Variants in SVEP1 observed in about 807,000 individuals in gnomAD.
SVEP1 encodes sushi, von Willebrand factor type A, EGF and pentraxin domain-containing protein 1.
Under a neutral mutation model 367.3 loss-of-function variants are expected in SVEP1, and 164 were observed. That is an observed-to-expected ratio of 0.45 (90% confidence interval 0.39 to 0.51). The LOEUF (loss-of-function observed/expected upper bound fraction) is 0.51, where lower values mean the gene tolerates loss of function less well. SVEP1 is among the 20% of genes least tolerant of loss of function. SVEP1 has a pLI of 0.00. For synonymous variants in SVEP1, 1,666 were observed against 1,611.6 expected, an observed-to-expected ratio of 1.03 and a Z score of -0.81; for missense variants, 4,117 against 4,425.3, an observed-to-expected ratio of 0.93 and a Z score of 1.98.
chr9:110,566,392 T>C (rs1008764746), intron 1 of SVEP1, among the ~76,000 whole-genome samples: 3 of 151,714 alleles, frequency 2.0e-5, no homozygotes, highest in Non-Finnish European at 4.4e-5. Context: ...GTAAGAAAGC[T>C]TGCTATTGTG....
chr9:110,390,878 C>A (rs1827644498), intron 40 of SVEP1, among the ~76,000 whole-genome samples: 1 of 152,116 alleles, frequency 6.6e-6, no homozygotes, highest in South Asian at 2.1e-4. Flanking sequence ...TAAGAAACTT[C>A]TGTGTAGACA....
At chr9:110,424,542 AT>A (rs1371166692) in intron 36 of SVEP1, among the ~76,000 whole-genome samples, 1 of 152,234 alleles carries the variant, frequency 6.6e-6, no homozygotes, top group East Asian at 1.9e-4. Context: ...GCTTCTAATT[AT>A]ATCTGTAATA....
intron 1 of SVEP1, among the ~76,000 whole-genome samples, chr9:110,573,703 G>C (rs1258378757): frequency 6.6e-6 from 1 of 151,986 alleles, no homozygotes; most frequent in African/African-American, 2.4e-5. Flanking sequence ...ATTCACAGTG[G>C]GACCAATTTA....
intron 36 of SVEP1, among the ~76,000 whole-genome samples, chr9:110,412,007 T>C (rs1164198549): frequency 6.6e-6 from 1 of 152,200 alleles, no homozygotes; most frequent in Non-Finnish European, 1.5e-5. Context: ...ATTGAGCTTA[T>C]TGATCAAATG....
intron 4 of SVEP1, 113 bp from the exon 5 acceptor site, chr9:110,513,218 G>C (rs72748893): frequency 1.0e-6 from 1 of 990,710 alleles, no homozygotes; most frequent in Non-Finnish European, 1.4e-6. Context: ...ATTGCCTACA[G>C]CATTTCCATT....
chr9:110,402,586 G>C (rs1454265006), intron 39 of SVEP1, among the ~76,000 whole-genome samples: 1 of 151,588 alleles, frequency 6.6e-6, no homozygotes, highest in Non-Finnish European at 1.5e-5. Flanking sequence ...ATAAATTATT[G>C]ACTTAAAAAA....
rs998444246 is a variant in SVEP1 at position 110,552,524 on chromosome 9, C to T, written c.532-2420G>A. ...TAGAATAAAATAATTATACAACTCA[C>T]TATAATGTAGAATCAGTGGGAGCAC... On this transcript the variant is annotated intron_variant, in intron 1 of 47. Coordinates refer to ENST00000374469, the MANE Select transcript of SVEP1 (RefSeq NM_153366.4). 3.3e-5 allele frequency among the ~76,000 whole-genome samples: 5 copies of T among 152,204 alleles called. No homozygotes were observed. The South Asian group carries it at 1.0e-3, about 32-fold the overall frequency.
At chr9:110,528,144 G>A (rs1474445264) in intron 3 of SVEP1, among the ~76,000 whole-genome samples, 34 of 40,372 alleles carry the variant, frequency 8.4e-4, no homozygotes, top group African/African-American at 2.3e-3. Context: ...GTGTGTGTGT[G>A]TGTGTGTGTG....
At chr9:110,449,610 G>T (rs1828661763) in intron 24 of SVEP1, among the ~76,000 whole-genome samples, 1 of 152,166 alleles carries the variant, frequency 6.6e-6, no homozygotes, top group Non-Finnish European at 1.5e-5. Flanking sequence ...TTTAAACCGG[G>T]AGAAAGAGGT....
intron 1 of SVEP1, among the ~76,000 whole-genome samples, chr9:110,560,178 C>A (rs544019248): frequency 6.6e-6 from 1 of 152,126 alleles, no homozygotes; most frequent in African/African-American, 2.4e-5. Flanking sequence ...CATACTGTTA[C>A]AATTGTCCAC....
rs907255593 is a variant in SVEP1 at position 110,445,916 on chromosome 9, C to T, written c.4384G>A (p.Asp1462Asn). The change falls in exon 26 of 48, where the codon GAC (aspartate) becomes AAC (asparagine). Residue 1462 changes from aspartate to asparagine, a missense_variant. Asp to Asn is a conservative substitution (Grantham distance 23). Coordinates refer to ENST00000374469, the MANE Select transcript of SVEP1 (RefSeq NM_153366.4). ...TCTFWMKSSDDMNYGTPISYA... is the reference protein window; with the variant it reads ...TCTFWMKSSDNMNYGTPISYA... The stretch of plus-strand genomic sequence containing the variant: ...GAGATTGGTGTTCCATAGTTCATGT[C>T]GTCAGAGGATTTCATCCAGAAGGTA... The T allele has an allele frequency of 1.9e-6, 3 of 1,613,882 alleles. No individual in the cohort carries two copies. Among genetic ancestry groups the T allele is most frequent in the Non-Finnish European group, 2.5e-6 (3 of 1,179,846 alleles).
In SVEP1 at chr9:110,481,239, T is replaced by C; in HGVS notation, c.2365+3A>G. The C allele has an allele frequency of 6.5e-7, 1 of 1,547,576 alleles. No individual in the cohort carries two copies. Among genetic ancestry groups the C allele is most frequent in the Non-Finnish European group, 8.7e-7 (1 of 1,144,478 alleles). ...AGAAGTCTAGAATAAAATTAAAACT[T>C]ACTGGCACAGTCTGGCCATTCAGTG... On this transcript the variant is annotated splice_donor_region_variant and intron_variant, in intron 12 of 47. Transcript: ENST00000374469.
chr9:110,540,168 A>T (rs889776517), intron 3 of SVEP1, among the ~76,000 whole-genome samples: 3 of 152,056 alleles, frequency 2.0e-5, no homozygotes, highest in Non-Finnish European at 4.4e-5. Flanking sequence ...TATCATTATC[A>T]TCATCATCAT....
At chr9:110,552,940 A>G (rs1268584173) in intron 1 of SVEP1, among the ~76,000 whole-genome samples, 1 of 152,200 alleles carries the variant, frequency 6.6e-6, no homozygotes, top group African/African-American at 2.4e-5. Flanking sequence ...TTGCAATAAT[A>G]AAGGTATGGC....
chr9:110,409,086 T>C, intron 37 of SVEP1, 135 bp from the exon 38 acceptor site: 1 of 1,038,562 alleles, frequency 9.6e-7, no homozygotes, highest in Non-Finnish European at 1.3e-6. Flanking sequence ...AATAATGATT[T>C]ATGGTTTTTC....
chr9:110,378,334 G>A (rs1217068118), intron 44 of SVEP1, among the ~76,000 whole-genome samples: 2 of 152,090 alleles, frequency 1.3e-5, no homozygotes, highest in Non-Finnish European at 2.9e-5. Flanking sequence ...CATTGTTGCT[G>A]CCAGACAATG....
chr9:110,446,779 T>C, intron 25 of SVEP1, 121 bp downstream of exon 25: 1 of 793,434 alleles, frequency 1.3e-6, no homozygotes, highest in Non-Finnish European at 1.8e-6. Flanking sequence ...ATTAAATGAG[T>C]ACAAAGTGCT....
intron 1 of SVEP1, among the ~76,000 whole-genome samples, chr9:110,554,038 G>T (rs951159517): frequency 1.3e-5 from 2 of 152,096 alleles, no homozygotes; most frequent in African/African-American, 4.8e-5. Context: ...TATTAAACAG[G>T]ATAAGCAATT....
rs201545266 is a variant in SVEP1 at position 110,408,630 on chromosome 9, G to A, written c.6970C>T (p.Pro2324Ser). 2.5e-5 allele frequency: 41 copies of A among 1,613,916 alleles called. No individual in the cohort carries two copies. In the African/African-American group the frequency reaches 5.3e-4, roughly 21 times the overall value. Residue 2324 changes from proline to serine, a missense_variant, in exon 38 of 48, where the codon CCA (proline) becomes TCA (serine). Physicochemically the swap from Pro to Ser is moderately conservative, Grantham distance 74 (BLOSUM62 -1). Coordinates refer to ENST00000374469, the MANE Select transcript of SVEP1 (RefSeq NM_153366.4). ...TGGTTTTCCAAGAGGGGCGGCTCTG[G>A]GCACTTGGCAGGCATGCACTTTGGA... is the stretch of plus-strand genomic sequence containing the variant. ...SNPKCMPAKCPEPPLLENQLV... is the reference protein window; with the variant it reads ...SNPKCMPAKCSEPPLLENQLV...
Sources: allele counts gnomAD v4.1 joint callset (sites outside exome capture counted in the v4.1 genomes callset), GRCh38; gene constraint gnomAD v4.1.1; transcripts MANE v1.5; gene names NCBI Gene and HGNC (gene_info 2026-07-23, HGNC 2026-07-21).